The following CDC73 variants were observed in gnomAD, a reference collection of about 807,000 sequenced individuals.
CDC73 encodes parafibromin.
A neutral mutation model predicts 83.7 loss-of-function variants in CDC73; 21 were observed. That is an observed-to-expected ratio of 0.25 (90% CI 0.18 to 0.36). The LOEUF (loss-of-function observed/expected upper bound fraction) is 0.36. Among genes scored for constraint, CDC73 ranks in the 10% least tolerant of loss-of-function variants. CDC73 has a pLI of 1.00. For missense variants in CDC73, 342 were observed against 653.3 expected (o/e 0.52, Z 5.19); for synonymous variants, 224 against 212.9 (o/e 1.05, Z -0.45).
chr1:193,125,738 G>A (rs1037557343), intron 2 of CDC73, among the ~76,000 whole-genome samples: 24 of 151,962 alleles, frequency 1.6e-4, no homozygotes, highest in Non-Finnish European at 2.5e-4. Flanking sequence ...CACCATGCCG[G>A]GCTAATTTTT....
rs1225995248 is a variant in CDC73, at chr1:193,212,081, T to G, written c.1047T>G (p.Pro349=). ...TTTTCACAGTTTCTCAAGCAAGACC[T>G]CCCCCAAATCAGAAGAAAGGTGAGG... The part of the protein sequence containing the change: ...PVPRPVSQAR[P]PPNQKKGSRT... The change falls in exon 12 of 17, where the codon CCT becomes CCG. Residue 349 remains proline (P), a synonymous_variant. Coordinates refer to ENST00000367435, the MANE Select transcript of CDC73 (RefSeq NM_024529.5). 4 of 1,584,608 alleles carry G rather than the reference T, an allele frequency of 2.5e-6. No homozygotes were observed. The highest frequency in any genetic ancestry group is 1.3e-5 in the African/African-American group (1 of 74,322).
At chr1:193,239,453 T>A (rs891389390) in intron 15 of CDC73, among the ~76,000 whole-genome samples, 1 of 152,292 alleles carries the variant, frequency 6.6e-6, no homozygotes, top group East Asian at 1.9e-4. Context: ...TATAATGAAA[T>A]ACATCGTTTG....
chr1:193,249,678 CTTTTTT>C, intron 15 of CDC73, 46 bp from the exon 16 acceptor site: 2 of 1,442,288 alleles, frequency 1.4e-6, no homozygotes, highest in Non-Finnish European at 1.9e-6. Context: ...AAATTTTTTT[CTTTTTT>C]TTTATTTTGA....
At chr1:193,209,153 T>C (rs368348797) in intron 11 of CDC73, among the ~76,000 whole-genome samples, 68 of 152,344 alleles carry the variant, frequency 4.5e-4, no homozygotes, top group African/African-American at 1.5e-3. Context: ...GTACATAGGC[T>C]CCAAATAAAT....
chr1:193,157,580 C>A (rs1466495746), intron 10 of CDC73, among the ~76,000 whole-genome samples: 1 of 152,208 alleles, frequency 6.6e-6, no homozygotes, highest in Admixed American at 6.5e-5. Context: ...ACAGCCACAT[C>A]CACCTGAGCA....
At chr1:193,229,509 C>G (rs1389239837) in intron 13 of CDC73, among the ~76,000 whole-genome samples, 5 of 152,206 alleles carry the variant, frequency 3.3e-5, no homozygotes, top group Non-Finnish European at 5.9e-5. Flanking sequence ...ATACGGTTTA[C>G]AAACCAGGAA....
rs534064414 is a variant in CDC73 at position 193,214,811 on chromosome 1, G to A, written c.1154+2334G>A. On this transcript the variant is annotated intron_variant, in intron 13 of 16. Coordinates refer to ENST00000367435, the MANE Select transcript of CDC73 (RefSeq NM_024529.5). ...CTTGACATTAGAAATAAGTTTTAAT[G>A]TTTTTCTAATCAGTGATGTTGATGC... Among the ~76,000 whole-genome samples the A allele has an allele frequency of 3.3e-5, 5 of 152,320 alleles. No homozygotes were observed. In the East Asian group the frequency reaches 7.7e-4, roughly 24 times the overall value.
intron 15 of CDC73, among the ~76,000 whole-genome samples, chr1:193,240,703 A>AT (rs556997274): frequency 1.5e-4 from 22 of 151,226 alleles, no homozygotes; most frequent in East Asian, 3.9e-4. Flanking sequence ...TTTTAATGGG[A>AT]TTTTTTTTTA....
intron 13 of CDC73, among the ~76,000 whole-genome samples, chr1:193,225,811 T>C (rs1447186206): frequency 6.6e-6 from 1 of 152,162 alleles, no homozygotes; most frequent in East Asian, 1.9e-4. Context: ...TAGTCCTTTG[T>C]CAGAGGTATA....
intron 11 of CDC73, among the ~76,000 whole-genome samples, chr1:193,208,654 G>C (rs1356439962): frequency 6.6e-6 from 1 of 151,958 alleles, no homozygotes; most frequent in Non-Finnish European, 1.5e-5. Context: ...TGGCTTAATA[G>C]TTATAGGACT....
rs192136382 is a variant in CDC73 at position 193,232,921 on chromosome 1, A to G, written c.1155-72A>G. The G allele has an allele frequency of 1.1e-4, 143 of 1,356,102 alleles. No individual in the cohort carries two copies. In the African/African-American group the frequency reaches 1.4e-3, roughly 13 times the overall value. The allele number at this position is 1,356,102 out of a possible 1,614,324, so 84.0% of individuals were successfully genotyped here. A position where few individuals can be genotyped will look rare whatever the true frequency, so the allele number is the denominator to read the frequency against. ...CTGTCTCAAAAAAAAAAAATATTTC[A>G]AATTATAGTTTATCTTCCCATTTTC... On this transcript the variant is annotated intron_variant, in intron 13 of 16. Coordinates refer to ENST00000367435, the MANE Select transcript of CDC73 (RefSeq NM_024529.5).
chr1:193,220,312 C>T (rs754060777), intron 13 of CDC73, among the ~76,000 whole-genome samples: 9 of 151,600 alleles, frequency 5.9e-5, no homozygotes, highest in African/African-American at 1.2e-4. Flanking sequence ...TACAGGCGTG[C>T]GGCACAACAC....
At chr1:193,177,250 G>T (rs1366575760) in intron 10 of CDC73, among the ~76,000 whole-genome samples, 1 of 150,768 alleles carries the variant, frequency 6.6e-6, no homozygotes, top group African/African-American at 2.4e-5. Flanking sequence ...TCGGCCGGGC[G>T]CGGTGGCTCA....
intron 11 of CDC73, among the ~76,000 whole-genome samples, chr1:193,210,174 T>C (rs1489866793): frequency 1.3e-5 from 2 of 152,188 alleles, no homozygotes; most frequent in Non-Finnish European, 2.9e-5. Context: ...GTGTATATAG[T>C]TATCTGCTTT....
Position 193,174,192 on chromosome 1 carries a change from T to G in CDC73, c.972+21748T>G, listed in dbSNP as rs1676566251. 4.6e-5 allele frequency among the ~76,000 whole-genome samples: 7 copies of G among 152,144 alleles called. 1 individual carries two copies. In the South Asian group the frequency reaches 1.4e-3, roughly 31 times the overall value. On this transcript the variant is annotated intron_variant, in intron 10 of 16. Coordinates refer to ENST00000367435, the MANE Select transcript of CDC73 (RefSeq NM_024529.5). ...AGTTTTTCAACAACTTGACAAGTTC[T>G]TTACCTCTTAGCCTTTCTCCTTCCA...
At chr1:193,227,684 A>G (rs982850281) in intron 13 of CDC73, among the ~76,000 whole-genome samples, 1 of 152,204 alleles carries the variant, frequency 6.6e-6, no homozygotes, top group Non-Finnish European at 1.5e-5. Flanking sequence ...ATCCATAGAG[A>G]TGTATTTAAA....
chr1:193,249,811 G>A lies in CDC73; in HGVS notation c.1499G>A (p.Ser500Asn), dbSNP rs776450180. The A allele has an allele frequency of 6.2e-7, 1 of 1,612,172 alleles. No individual in the cohort carries two copies. Among genetic ancestry groups the A allele is most frequent in the Admixed American group, 1.7e-5 (1 of 59,924 alleles). ...TGGGATGTAACAGTATTAGAACTCA[G>A]CTATCACAAACGTCATTTGGATAGA... ...QKWDVTVLEL[S>N]YHKRHLDRPV... The change falls in exon 16 of 17, where the codon AGC (serine) becomes AAC (asparagine). Residue 500 changes from serine (S) to asparagine (N), a missense_variant. Coordinates refer to ENST00000367435, the MANE Select transcript of CDC73 (RefSeq NM_024529.5).
At chr1:193,166,111 G>A (rs1245936902) in intron 10 of CDC73, among the ~76,000 whole-genome samples, 1 of 152,100 alleles carries the variant, frequency 6.6e-6, no homozygotes, top group African/African-American at 2.4e-5. Flanking sequence ...TGAAGAGTCA[G>A]GTATGAGCAA....
intron 15 of CDC73, among the ~76,000 whole-genome samples, chr1:193,248,839 C>T (rs1042400492): frequency 2.0e-5 from 3 of 152,138 alleles, no homozygotes; most frequent in East Asian, 1.9e-4. Flanking sequence ...TGAGGAGTTC[C>T]TTCTTACAGA....
Sources: allele counts gnomAD v4.1 joint callset (sites outside exome capture counted in the v4.1 genomes callset), GRCh38; gene constraint gnomAD v4.1.1; transcripts MANE v1.5; gene names NCBI Gene and HGNC (gene_info 2026-07-23, HGNC 2026-07-21).